PCDH15: variants seen among roughly 807,000 people sequenced by gnomAD.
The protein encoded by PCDH15 is protocadherin related 15.
A neutral mutation model predicts 178.5 loss-of-function variants in PCDH15; 129 were observed. The ratio of observed to expected loss-of-function variants is 0.72; its 90% CI spans 0.63 to 0.84. The LOEUF is 0.84. PCDH15 is among the 40% of genes least tolerant of loss of function. The pLI is 0.00. For synonymous variants in PCDH15, 800 were observed against 732.0 expected, an observed-to-expected ratio of 1.09 and a Z score of -1.50; for missense variants, 2,230 against 2,099.9, an observed-to-expected ratio of 1.06 and a Z score of -1.21.
intron 15 of PCDH15, among the ~76,000 whole-genome samples, chr10:54,127,443 G>T (rs888059649): frequency 2.6e-5 from 4 of 152,152 alleles, no homozygotes; most frequent in African/African-American, 9.7e-5. Context: ...TTGACTATTT[G>T]TAGAAGTGTT....
chr10:55,135,588 T>C (rs866417257), intron 2 of PCDH15, among the ~76,000 whole-genome samples: 19 of 135,704 alleles, frequency 1.4e-4, no homozygotes, highest in African/African-American at 5.0e-4. Context: ...TTTTTTTTTT[T>C]TTTTTTTTTT....
intron 15 of PCDH15, among the ~76,000 whole-genome samples, chr10:54,126,574 C>T (rs2042007641): frequency 6.6e-6 from 1 of 151,972 alleles, no homozygotes. Flanking sequence ...ACATCTTTGA[C>T]ATGGTTAAAT....
chr10:54,234,224 T>C (rs1272591550), intron 9 of PCDH15, among the ~76,000 whole-genome samples: 3 of 151,770 alleles, frequency 2.0e-5, no homozygotes, highest in Non-Finnish European at 4.4e-5. Context: ...CAGACTGATG[T>C]GACTTAGGTA....
At chr10:53,888,794 A>C (rs1281632957) in intron 26 of PCDH15, among the ~76,000 whole-genome samples, 11 of 147,574 alleles carry the variant, frequency 7.5e-5, no homozygotes, top group Non-Finnish European at 1.3e-4. Flanking sequence ...CCTTGAAGAC[A>C]AAAAAATAAG....
intron 2 of PCDH15, among the ~76,000 whole-genome samples, chr10:55,071,662 C>T (rs1841750276): frequency 6.6e-6 from 1 of 151,964 alleles, no homozygotes; most frequent in South Asian, 2.1e-4. Context: ...ACTTTAACAC[C>T]CCACTGTCAA....
intron 8 of PCDH15, among the ~76,000 whole-genome samples, chr10:54,274,166 C>CA (rs112615913): frequency 0.011 from 1,621 of 151,092 alleles, 29 homozygotes; most frequent in African/African-American, 0.037. Context: ...AGGGAGAAGA[C>CA]AAAAAAAATA....
intron 2 of PCDH15, among the ~76,000 whole-genome samples, chr10:55,477,073 T>C (rs1840076788): frequency 1.3e-5 from 2 of 151,964 alleles, no homozygotes; most frequent in Admixed American, 1.3e-4. Flanking sequence ...TATTTGTGTG[T>C]ACTAGTATAT....
At chr10:54,164,855 GA>G (rs1186067843) in intron 13 of PCDH15, among the ~76,000 whole-genome samples, 1 of 152,134 alleles carries the variant, frequency 6.6e-6, no homozygotes, top group African/African-American at 2.4e-5. Context: ...TATTGCCATA[GA>G]AGCTATATTG....
Position 53,857,220 on chromosome 10 carries a change from T to G in PCDH15, c.3761A>C (p.Asn1254Thr), listed in dbSNP as rs562611285. 6.2e-7 allele frequency: 1 copy of G among 1,611,940 alleles called. No homozygotes were observed. Among genetic ancestry groups the G allele is most frequent in the African/African-American group, 1.3e-5 (1 of 74,930 alleles). The part of the protein sequence containing the change: ...NQLDMQVIVS[N>T]VPPTLVEKKI... Reference sequence around the variant, plus strand: ...TTTTTCCACTAGAGTAGGAGGCACATTGGAAACAATGACTTGCATATCCAG... The same window carrying G: ...TTTTTCCACTAGAGTAGGAGGCACAGTGGAAACAATGACTTGCATATCCAG... The change falls in exon 28 of 38, where the codon AAT becomes ACT. Residue 1254 changes from asparagine to threonine, a missense_variant. Physicochemically the swap from Asn to Thr is moderately conservative, Grantham distance 65. Coordinates refer to ENST00000644397, the MANE Select transcript of PCDH15 (RefSeq NM_001384140.1).
At chr10:54,336,992 G>C (rs546428448) in intron 6 of PCDH15, among the ~76,000 whole-genome samples, 2 of 152,262 alleles carry the variant, frequency 1.3e-5, no homozygotes, top group South Asian at 4.1e-4. Context: ...ACCTGGATGT[G>C]AGACATGGTG....
At chr10:54,527,117 C>A (rs1417018760) in intron 3 of PCDH15, among the ~76,000 whole-genome samples, 1 of 152,028 alleles carries the variant, frequency 6.6e-6, no homozygotes, top group Non-Finnish European at 1.5e-5. Flanking sequence ...AAGAGATAAC[C>A]ATTTTACTGC....
intron 1 of PCDH15, among the ~76,000 whole-genome samples, chr10:54,776,573 G>A (rs1313295088): frequency 1.3e-5 from 2 of 152,156 alleles, no homozygotes; most frequent in Non-Finnish European, 2.9e-5. Flanking sequence ...TAGAGTGAAT[G>A]TGGAGGAAAA....
intron 3 of PCDH15, among the ~76,000 whole-genome samples, chr10:54,415,329 A>T (rs919770433): frequency 2.6e-5 from 4 of 152,048 alleles, no homozygotes; most frequent in Non-Finnish European, 5.9e-5. Context: ...AAGATCAATT[A>T]AAAAATATGG....
intron 26 of PCDH15, among the ~76,000 whole-genome samples, chr10:53,883,679 G>T (rs934421524): frequency 3.3e-4 from 50 of 152,120 alleles, no homozygotes; most frequent in African/African-American, 1.4e-4. Flanking sequence ...CATTACCAAA[G>T]CTTGAAAGAT....
intron 21 of PCDH15, among the ~76,000 whole-genome samples, chr10:53,987,878 T>C (rs1170313800): frequency 1.3e-5 from 2 of 152,200 alleles, no homozygotes; most frequent in African/African-American, 4.8e-5. Flanking sequence ...AGTCTTTAAT[T>C]TCTCTGGCTC....
rs557053774 is a variant in PCDH15, at chr10:55,315,234, G to C, written c.-156+4365C>G. On this transcript the variant is annotated intron_variant, in intron 1 of 5. Transcript: ENST00000458638. ...GATCACTCAGCCACAGTTAAGAATT[G>C]GTATTTTTCTTAGACTATATTATAA... 1.9e-3 allele frequency among the ~76,000 whole-genome samples: 296 copies of C among 152,020 alleles called. 3 individuals are homozygous for C. The highest frequency in any genetic ancestry group is 2.5e-3 in the Non-Finnish European group (169 of 67,964).
chr10:54,929,787 G>A (rs1837723000), intron 2 of PCDH15, among the ~76,000 whole-genome samples: 1 of 152,192 alleles, frequency 6.6e-6, no homozygotes, highest in African/African-American at 2.4e-5. Flanking sequence ...ACAATCAGCT[G>A]GAGCTGTGTG....
intron 2 of PCDH15, among the ~76,000 whole-genome samples, chr10:55,407,043 A>T (rs1480933255): frequency 6.6e-6 from 1 of 152,198 alleles, no homozygotes; most frequent in Non-Finnish European, 1.5e-5. Flanking sequence ...AGTGCAGATC[A>T]TCTATGGCCT....
chr10:55,542,502 TG>T (rs772319110), intron 2 of PCDH15, among the ~76,000 whole-genome samples: 2 of 150,880 alleles, frequency 1.3e-5, no homozygotes, highest in Non-Finnish European at 3.0e-5. Context: ...AAATTACATA[TG>T]TACAGTATGT....
Sources: gnomAD v4.1 joint callset for allele counts (sites outside exome capture counted in the v4.1 genomes callset) on GRCh38, gnomAD v4.1.1 for gene constraint, MANE v1.5 for transcripts, NCBI Gene and HGNC (gene_info 2026-07-23, HGNC 2026-07-21) for gene names.